THAP5: variants seen among roughly 807,000 people sequenced by gnomAD.
THAP5 encodes the protein THAP domain-containing protein 5.
Under a neutral mutation model 34.0 loss-of-function variants are expected in THAP5, and 26 were observed. The observed-to-expected ratio is 0.77, with a 90% CI of 0.56 to 1.06. The LOEUF (loss-of-function observed/expected upper bound fraction) is 1.06. THAP5 is among the 50% of genes least tolerant of loss of function. The pLI, the probability that THAP5 is intolerant of heterozygous loss-of-function variation, is 0.00. For missense variants in THAP5, 394 were observed against 452.8 expected, an observed-to-expected ratio of 0.87 and a Z score of 1.18; for synonymous variants, 125 against 153.0, an observed-to-expected ratio of 0.82 and a Z score of 1.35.
rs1465185741 is a variant in THAP5 at position 108,564,796 on chromosome 7, T to C, written c.583A>G (p.Thr195Ala). The part of the protein sequence containing the change: ...NQDTGRGGFH[T>A]CFENLNSTTI... Reference sequence around the variant, plus strand: ...GTAGAATTTAGATTCTCAAAACATGTGTGAAAACCACCTCTACCTGTATCT... The same window carrying C: ...GTAGAATTTAGATTCTCAAAACATGCGTGAAAACCACCTCTACCTGTATCT... Residue 195 changes from threonine to alanine, a missense_variant, in exon 3 of 3, where the codon ACA (threonine) becomes GCA (alanine). By Grantham distance (58) the Thr-to-Ala change is moderately conservative (BLOSUM62 0). Coordinates refer to ENST00000415914, the MANE Select transcript of THAP5 (RefSeq NM_001130475.3). The C allele has an allele frequency of 1.2e-6, 2 of 1,613,400 alleles. No individual in the cohort carries two copies. The highest frequency in any genetic ancestry group is 2.2e-5 in the East Asian group (1 of 44,834).
At chr7:108,544,908 C>T in the THAP5 span, among the ~76,000 whole-genome samples, 1 of 152,100 alleles carries the variant, frequency 6.6e-6, no homozygotes, top group Non-Finnish European at 1.5e-5. Flanking sequence ...GTCTGCTAGT[C>T]CCAAAGTGCT....
At chr7:108,544,861 G>A in the THAP5 span, among the ~76,000 whole-genome samples, 1 of 151,958 alleles carries the variant, frequency 6.6e-6, no homozygotes, top group Admixed American at 6.6e-5. Context: ...GTTTCATCAT[G>A]TTGCCCAGGC....
At chr7:108,552,339 T>G (rs1366317070), downstream of THAP5, among the ~76,000 whole-genome samples, 1 of 152,192 alleles carries the variant, frequency 6.6e-6, no homozygotes, top group Non-Finnish European at 1.5e-5. Flanking sequence ...ACTAAGGCTT[T>G]TGGGTTCTGT....
the THAP5 span, among the ~76,000 whole-genome samples, chr7:108,544,683 G>T: frequency 2.6e-5 from 4 of 151,772 alleles, no homozygotes; most frequent in Admixed American, 1.3e-4. Flanking sequence ...ATGAGACAGG[G>T]TCTCACTCTG....
At chr7:108,559,006 A>C (rs1864408012), downstream of THAP5, among the ~76,000 whole-genome samples, 1 of 152,240 alleles carries the variant, frequency 6.6e-6, no homozygotes, top group Non-Finnish European at 1.5e-5. Flanking sequence ...AATATTCATC[A>C]TGTTTCTATT....
the THAP5 span, among the ~76,000 whole-genome samples, chr7:108,546,001 A>T: frequency 6.6e-6 from 1 of 152,210 alleles, no homozygotes; most frequent in Non-Finnish European, 1.5e-5. Context: ...GCCAGCACAG[A>T]GTTAGCAACA....
chr7:108,558,108 T>C (rs1864399237), downstream of THAP5, among the ~76,000 whole-genome samples: 1 of 151,624 alleles, frequency 6.6e-6, no homozygotes, highest in Non-Finnish European at 1.5e-5. Context: ...AGGGGAAATT[T>C]CCCCCATGAT....
chr7:108,553,841 C>G (rs1024296477), downstream of THAP5, among the ~76,000 whole-genome samples: 1 of 152,158 alleles, frequency 6.6e-6, no homozygotes, highest in East Asian at 1.9e-4. Flanking sequence ...TCTAACTGCC[C>G]TTTCTCTGGT....
downstream of THAP5, among the ~76,000 whole-genome samples, chr7:108,550,481 A>G (rs1369108026): frequency 6.8e-6 from 1 of 147,912 alleles, no homozygotes; most frequent in African/African-American, 2.5e-5. Context: ...TTTTTTTTCT[A>G]TTACAATTCT....
intron 1 of THAP5, among the ~76,000 whole-genome samples, chr7:108,555,815 G>C (rs1294368625): frequency 1.3e-5 from 2 of 149,608 alleles, no homozygotes; most frequent in African/African-American, 4.9e-5. Flanking sequence ...CAATTCTTCT[G>C]CCTCAGGCTC....
chr7:108,542,088 A>G, the THAP5 span, among the ~76,000 whole-genome samples: 3 of 152,238 alleles, frequency 2.0e-5, no homozygotes, highest in African/African-American at 7.2e-5. Context: ...ATGTTTTGGC[A>G]AGAACTTTCA....
downstream of THAP5, among the ~76,000 whole-genome samples, chr7:108,558,554 C>T (rs1864404244): frequency 6.6e-6 from 1 of 151,074 alleles, no homozygotes; most frequent in African/African-American, 2.4e-5. Flanking sequence ...CGCGCCACCA[C>T]ACCTGGCTAA....
chr7:108,560,080 AG>A (rs1864415649), downstream of THAP5, among the ~76,000 whole-genome samples: 2 of 152,202 alleles, frequency 1.3e-5, no homozygotes, highest in South Asian at 4.1e-4. Flanking sequence ...ACTATTTATT[AG>A]TTCATATTAG....
At chr7:108,548,974 A>G in the THAP5 span, among the ~76,000 whole-genome samples, 1 of 152,128 alleles carries the variant, frequency 6.6e-6, no homozygotes, top group African/African-American at 2.4e-5. Context: ...TGCAAACAAA[A>G]CAAAACAAAA....
rs761767083 is a variant in THAP5 at position 108,564,875 on chromosome 7, T to A, written c.504A>T (p.Leu168=). Residue 168 remains leucine (L), a synonymous_variant, in exon 3 of 3, where the codon CTA becomes CTT. Coordinates refer to ENST00000415914, the MANE Select transcript of THAP5 (RefSeq NM_001130475.3). ...SIQNNMLTLN[L]VKQHTGKPES... is the part of the protein sequence containing the mutation. ...CTGGTTTCCCAGTATGTTGTTTAAC[T>A]AGATTAAGAGTTAACATGTTATTTT... 4 of 1,606,342 alleles carry A rather than the reference T, an allele frequency of 2.5e-6. No homozygotes were observed. Among genetic ancestry groups the A allele is most frequent in the Admixed American group, 3.4e-5 (2 of 59,338 alleles).
chr7:108,548,152 C>T, the THAP5 span, among the ~76,000 whole-genome samples: 8 of 152,054 alleles, frequency 5.3e-5, no homozygotes, highest in Non-Finnish European at 8.8e-5. Context: ...CAGGACCTGC[C>T]TGAATAATGG....
At position 108,563,186 on chromosome 7, in the gene THAP5, C is replaced by G. The variant is rs1368363637; in HGVS notation, c.*1005G>C. 1 of 152,100 alleles carries G rather than the reference C, an allele frequency of 6.6e-6. No homozygotes were observed. The highest frequency in any genetic ancestry group is 1.5e-5 in the Non-Finnish European group (1 of 68,012). 9.4% of individuals were successfully genotyped at this position (152,100 alleles called of 1,614,324 possible). On this transcript the variant is annotated 3_prime_UTR_variant, in exon 3 of 3. Coordinates refer to ENST00000415914, the MANE Select transcript of THAP5 (RefSeq NM_001130475.3). ...TTCTTTCAAGTTTGAAGTACCTCTC[C>G]TAAGAACTGGGCTAATGGGTGGTTC...
chr7:108,547,409 A>G, the THAP5 span, among the ~76,000 whole-genome samples: 1 of 152,242 alleles, frequency 6.6e-6, no homozygotes, highest in Non-Finnish European at 1.5e-5. Context: ...AACATGAACC[A>G]TGCACTGAAT....
At chr7:108,558,377 G>GTGTGTATATATATATATATATATATATA (rs1401164750), downstream of THAP5, among the ~76,000 whole-genome samples, 11 of 63,028 alleles carry the variant, frequency 1.7e-4, no homozygotes, top group African/African-American at 8.1e-4. Context: ...ATGTGTGTGT[G>GTGTGTATATATATATATATATATATATA]TATGTATATA....
Sources: gnomAD v4.1 joint callset for allele counts (sites outside exome capture counted in the v4.1 genomes callset) on GRCh38, gnomAD v4.1.1 for gene constraint, MANE v1.5 for transcripts, NCBI Gene and HGNC (gene_info 2026-07-23, HGNC 2026-07-21) for gene names.